ODAD2: variants seen among roughly 807,000 people sequenced by gnomAD.
The protein encoded by ODAD2 is outer dynein arm docking complex subunit 2.
A neutral mutation model predicts 106.8 loss-of-function variants in ODAD2; 89 were observed. That is an observed-to-expected ratio of 0.83 (90% confidence interval 0.70 to 0.99). The LOEUF is 0.99. Ranked by LOEUF, ODAD2 falls within the 50% of genes least tolerant of loss-of-function variation. The pLI, the probability that ODAD2 is intolerant of heterozygous loss-of-function variation, is 0.00. For missense variants in ODAD2, 1,168 were observed against 1,238.5 expected (o/e 0.94, Z 0.85); for synonymous variants, 404 against 436.2 (o/e 0.93, Z 0.92).
intron 3 of ODAD2, among the ~76,000 whole-genome samples, chr10:27,986,471 A>ACCT: frequency 1.3e-5 from 2 of 152,280 alleles, no homozygotes; most frequent in Non-Finnish European, 2.9e-5. Context: ...TCTATTAACT[A>ACCT]CCTCCTTGAA....
intron 16 of ODAD2, among the ~76,000 whole-genome samples, chr10:27,931,509 C>G (rs569141791): frequency 4.6e-5 from 7 of 151,962 alleles, no homozygotes; most frequent in African/African-American, 1.7e-4. Flanking sequence ...CAATCAGGTC[C>G]TTCAGGCTTG....
intron 17 of ODAD2, among the ~76,000 whole-genome samples, chr10:27,907,233 C>G (rs1843663742): frequency 6.6e-6 from 1 of 152,138 alleles, no homozygotes. Context: ...AATCATGTGA[C>G]CTTTTCAAAG....
chr10:27,889,443 G>A (rs1342654916), intron 17 of ODAD2, among the ~76,000 whole-genome samples: 1 of 152,154 alleles, frequency 6.6e-6, no homozygotes, highest in East Asian at 1.9e-4. Context: ...TATAATCATC[G>A]TAAGTGATTC....
intron 17 of ODAD2, among the ~76,000 whole-genome samples, chr10:27,877,578 G>A (rs555441580): frequency 2.6e-5 from 4 of 152,162 alleles, no homozygotes; most frequent in South Asian, 2.1e-4. Context: ...GTCTTGCCTC[G>A]CATAGTTTCT....
chr10:27,874,139 T>C (rs1841133086), intron 17 of ODAD2, among the ~76,000 whole-genome samples: 1 of 152,202 alleles, frequency 6.6e-6, no homozygotes, highest in Non-Finnish European at 1.5e-5. Flanking sequence ...TTGATCTTTG[T>C]TGGTTTAAAG....
At chr10:27,940,430 T>A (rs537982087) in intron 13 of ODAD2, 133 bp downstream of exon 13, 1 of 1,033,012 alleles carries the variant, frequency 9.7e-7, no homozygotes, top group Non-Finnish European at 1.4e-6. Context: ...ATCAGTTGGA[T>A]CTTCTCTTTC....
chr10:27,818,844 A>T (rs989899304), intron 19 of ODAD2, among the ~76,000 whole-genome samples: 1 of 152,172 alleles, frequency 6.6e-6, no homozygotes, highest in African/African-American at 2.4e-5. Flanking sequence ...GAAGGAATCT[A>T]GATGCCTTAT....
At chr10:27,888,176 C>T (rs1842354206) in intron 17 of ODAD2, among the ~76,000 whole-genome samples, 1 of 151,920 alleles carries the variant, frequency 6.6e-6, no homozygotes. Flanking sequence ...GGGTAGATAC[C>T]CAGTAGTGGT....
Position 27,860,565 on chromosome 10 carries a change from G to A in ODAD2, c.3021+60C>T. The A allele has an allele frequency of 3.3e-6, 5 of 1,519,998 alleles. No individual in the cohort carries two copies. In the Admixed American group the frequency reaches 8.5e-5, roughly 26 times the overall value. 94.2% of individuals were successfully genotyped at this position (1,519,998 alleles called of 1,614,324 possible). ...TTAGAGAAATCTTAGTGATGCCTAA[G>A]TTTCTTTCCAGGCTACATTTACCAA... On this transcript the variant is annotated intron_variant, in intron 19 of 19. Coordinates refer to ENST00000305242, the MANE Select transcript of ODAD2 (RefSeq NM_018076.5).
chr10:27,960,313 CATTATTATTATTATTATTATT>C (rs72020123), intron 10 of ODAD2, among the ~76,000 whole-genome samples: 32 of 138,688 alleles, frequency 2.3e-4, no homozygotes, highest in African/African-American at 6.4e-4. Flanking sequence ...TTATTTATTT[CATTATTATTATTATTATTATT>C]ATTATTATTA....
At chr10:27,970,478 A>G (rs557726571) in intron 8 of ODAD2, among the ~76,000 whole-genome samples, 2 of 152,106 alleles carry the variant, frequency 1.3e-5, no homozygotes, top group African/African-American at 4.8e-5. Context: ...GTGTTTTATC[A>G]TCTTTTCTGC....
chr10:27,948,246 GA>G (rs1847078740), intron 10 of ODAD2, among the ~76,000 whole-genome samples: 1 of 125,980 alleles, frequency 7.9e-6, no homozygotes, highest in Admixed American at 8.5e-5. Context: ...AGGCTTGAGG[GA>G]TTTTTTTTTA....
chr10:27,961,441 A>T, intron 10 of ODAD2, 127 bp downstream of exon 10: 1 of 970,840 alleles, frequency 1.0e-6, no homozygotes, highest in Non-Finnish European at 1.5e-6. Context: ...AAACTTAGAT[A>T]AAACAACAGG....
intron 17 of ODAD2, among the ~76,000 whole-genome samples, chr10:27,887,093 T>C (rs1842273263): frequency 6.6e-6 from 1 of 151,938 alleles, no homozygotes; most frequent in Non-Finnish European, 1.5e-5. Flanking sequence ...AAAAAAACAA[T>C]TCTACAATAT....
At chr10:27,995,215 G>T in intron 1 of ODAD2, 35 bp from the exon 2 acceptor site, 2 of 1,559,694 alleles carry the variant, frequency 1.3e-6, no homozygotes, top group Non-Finnish European at 1.7e-6. Flanking sequence ...AGACAACAGC[G>T]TCCACCTTTT....
intron 17 of ODAD2, among the ~76,000 whole-genome samples, chr10:27,881,514 G>A (rs1280661202): frequency 1.3e-5 from 2 of 151,892 alleles, no homozygotes; most frequent in Non-Finnish European, 2.9e-5. Context: ...GCACGCACCT[G>A]TAGTCCCACT....
intron 9 of ODAD2, among the ~76,000 whole-genome samples, chr10:27,965,720 AACCT>A (rs1848449749): frequency 6.6e-6 from 1 of 152,194 alleles, no homozygotes; most frequent in African/African-American, 2.4e-5. Context: ...ACACAGTGCA[AACCT>A]GGAGTGAAAT....
rs1379788530 is a variant in ODAD2, at chr10:27,971,329, G to A, written c.937-16C>T. On this transcript the variant is annotated splice_polypyrimidine_tract_variant and intron_variant, in intron 7 of 19. Transcript: ENST00000305242. The stretch of plus-strand genomic sequence containing the variant: ...AGCTAATTCCCTTTATTTAAAAAAT[G>A]AGAATAATTTTTAATGATATCTGAA... 2 of 1,564,056 alleles carry A rather than the reference G, an allele frequency of 1.3e-6. No homozygotes were observed. The highest frequency in any genetic ancestry group is 2.8e-5 in the African/African-American group (2 of 72,236).
In ODAD2 at chr10:27,935,737, A is replaced by T. The variant is rs1845926490; in HGVS notation, c.2253-485T>A. Among the ~76,000 whole-genome samples, 3 of 151,166 alleles carry T rather than the reference A, an allele frequency of 2.0e-5. No homozygotes were observed. The South Asian group carries it at 6.3e-4, about 32-fold the overall frequency. On this transcript the variant is annotated intron_variant, in intron 15 of 19. Coordinates refer to ENST00000305242, the MANE Select transcript of ODAD2 (RefSeq NM_018076.5). ...AAAGTCACTCTCAGGTATCTTCTAT[A>T]TTAACCACTAATACATTTTACCATC...
Sources: gnomAD v4.1 joint callset for allele counts (sites outside exome capture counted in the v4.1 genomes callset) on GRCh38, gnomAD v4.1.1 for gene constraint, MANE v1.5 for transcripts, NCBI Gene and HGNC (gene_info 2026-07-23, HGNC 2026-07-21) for gene names.